Variants in RFX1 observed in about 807,000 individuals in gnomAD.
RFX1 encodes the protein regulatory factor X1.
RFX1 carries 42 observed loss-of-function variants against 119.6 expected under a neutral mutation model. The observed-to-expected ratio is 0.35, with a 90% CI of 0.27 to 0.45. RFX1 has a LOEUF of 0.45. Among genes scored for constraint, RFX1 ranks in the 20% least tolerant of loss-of-function variants. The probability of loss-of-function intolerance (pLI) is 1.00; values close to 1 mark genes in which losing one functional copy is unlikely to be tolerated. For synonymous variants in RFX1, 628 were observed against 618.5 expected, an observed-to-expected ratio of 1.02 and a Z score of -0.23; for missense variants, 1,118 against 1,368.1, an observed-to-expected ratio of 0.82 and a Z score of 2.88.
At position 13,968,640 on chromosome 19, in the gene RFX1, C is replaced by A. The variant is rs146416788; in HGVS notation, c.1657G>T (p.Val553Leu). Residue 553 changes from valine (V) to leucine (L), a missense_variant, in exon 12 of 21, where the codon GTG becomes TTG. Coordinates refer to ENST00000254325, the MANE Select transcript of RFX1 (RefSeq NM_002918.5). The surrounding 1 kb of genome is among the most constrained non-coding windows in gnomAD (Gnocchi z 5.5). The stretch of plus-strand genomic sequence containing the variant: ...GTGCTCGGCTGCTGCCCCACCGCCA[C>A]GCCGTTGGTCATGCCTTCCATCTTC... ...IQKMEGMTNG[V>L]AVGQQPSTGL... is the part of the protein sequence containing the mutation. The A allele has an allele frequency of 6.2e-7, 1 of 1,613,352 alleles. No individual in the cohort carries two copies. The highest frequency in any genetic ancestry group is 1.7e-5 in the Admixed American group (1 of 60,026).
At chr19:13,987,803 G>A (rs1407996242) in intron 2 of RFX1, among the ~76,000 whole-genome samples, 3 of 152,170 alleles carry the variant, frequency 2.0e-5, no homozygotes, top group African/African-American at 7.2e-5. Context: ...TGTGAAAGGC[G>A]ACTAAGCTAC....
At chr19:13,993,302 AAAAT>A (rs1974866141) in intron 2 of RFX1, among the ~76,000 whole-genome samples, 1 of 152,122 alleles carries the variant, frequency 6.6e-6, no homozygotes, top group African/African-American at 2.4e-5. Flanking sequence ...CTCAAAAAAT[AAAAT>A]AAAACCAAAA....
At chr19:13,972,125 CAGCACT>C (rs1371312203) in intron 9 of RFX1, among the ~76,000 whole-genome samples, 1 of 141,776 alleles carries the variant, frequency 7.1e-6, no homozygotes, top group Non-Finnish European at 1.5e-5. Flanking sequence ...GCTATGATTA[CAGCACT>C]GTGCTTCAGC....
At chr19:13,987,961 C>T (rs932261269) in intron 2 of RFX1, among the ~76,000 whole-genome samples, 4 of 152,004 alleles carry the variant, frequency 2.6e-5, no homozygotes, top group African/African-American at 9.7e-5. Flanking sequence ...ACTTAGAGTC[C>T]GGCCTAGCTC....
chr19:13,968,725 G>C lies in RFX1; in HGVS notation c.1617-45C>G. The C allele has an allele frequency of 1.2e-6, 2 of 1,609,470 alleles. No homozygotes were observed. The highest frequency in any genetic ancestry group is 1.7e-6 in the Non-Finnish European group (2 of 1,178,422). ...TGGGCCGGCTGCTGGGGGCCGGCCTGTGTGCCCTTCCCCGCCTGCCCTGCC... is the reference window on the plus strand; with the variant it reads ...TGGGCCGGCTGCTGGGGGCCGGCCTCTGTGCCCTTCCCCGCCTGCCCTGCC... On this transcript the variant is annotated intron_variant, in intron 11 of 20. Transcript: ENST00000254325. The surrounding 1 kb of genome is among the most constrained non-coding windows in gnomAD (Gnocchi z 5.5).
Position 13,980,563 on chromosome 19 carries a change from G to C in RFX1, c.738+10C>G. 2 of 1,538,404 alleles carry C rather than the reference G, an allele frequency of 1.3e-6. No individual in the cohort carries two copies. Among genetic ancestry groups the C allele is most frequent in the Non-Finnish European group, 1.8e-6 (2 of 1,140,332 alleles). On this transcript the variant is annotated intron_variant, in intron 6 of 20. Coordinates refer to ENST00000254325, the MANE Select transcript of RFX1 (RefSeq NM_002918.5). The surrounding 1 kb of genome is among the most constrained non-coding windows in gnomAD (Gnocchi z 5.1). ...CCTGGACCGAGCCACTGCCCGCCTT[G>C]GCCTGGCACCTCTTGGGTGACGGGG...
At chr19:13,964,771 A>G (rs60177795) in intron 16 of RFX1, among the ~76,000 whole-genome samples, 2,698 of 152,242 alleles carry the variant, frequency 0.018, 79 homozygotes, top group African/African-American at 0.056. Flanking sequence ...ATGAGCCACT[A>G]CGCCCGGCCT....
chr19:13,983,614 A>G lies in RFX1; in HGVS notation c.320-19T>C. ...GCACCTTCTGTGGGGAGGGGCCACC[A>G]GGTCAGTTCTTCCTGCTTTCCCTGC... is the stretch of plus-strand genomic sequence containing the variant. On this transcript the variant is annotated intron_variant, in intron 2 of 20. Transcript: ENST00000254325. 2 of 1,568,664 alleles carry G rather than the reference A, an allele frequency of 1.3e-6. No individual in the cohort carries two copies. Among genetic ancestry groups the G allele is most frequent in the Non-Finnish European group, 1.7e-6 (2 of 1,156,574 alleles).
intron 8 of RFX1, among the ~76,000 whole-genome samples, chr19:13,975,919 C>T (rs1018631731): frequency 1.3e-5 from 2 of 152,168 alleles, no homozygotes; most frequent in African/African-American, 2.4e-5. Flanking sequence ...AACAACTTCT[C>T]GTAGCAGAAA....
intron 1 of RFX1, among the ~76,000 whole-genome samples, chr19:13,999,461 G>C (rs1211874411): frequency 6.6e-6 from 1 of 152,188 alleles, no homozygotes; most frequent in Non-Finnish European, 1.5e-5. Flanking sequence ...ATGTGAAAGT[G>C]GCCATGCACA....
intron 2 of RFX1, among the ~76,000 whole-genome samples, chr19:13,987,128 G>A (rs1048151843): frequency 1.3e-5 from 2 of 152,222 alleles, no homozygotes; most frequent in African/African-American, 2.4e-5. Flanking sequence ...AGAAGGGCCG[G>A]ACTCGGCCCC....
Position 13,966,286 on chromosome 19 carries a change from T to G in RFX1, c.1961+135A>C, listed in dbSNP as rs1044123914. The G allele has an allele frequency of 6.5e-6, 4 of 613,628 alleles. No individual in the cohort carries two copies. Among genetic ancestry groups the G allele is most frequent in the Non-Finnish European group, 1.2e-5 (4 of 344,920 alleles). The allele number at this position is 613,628 out of a possible 1,614,324, so 38.0% of individuals were successfully genotyped here. On this transcript the variant is annotated intron_variant, in intron 14 of 20. Transcript: ENST00000254325. This position sits in a 1 kb window ranked among gnomAD's most constrained non-coding sequence, Gnocchi z 6.3. ...TTGAGTGTCGGGTGGCTATACACAC[T>G]CCACACAGCCAAGGATATGTGTACC...
intron 1 of RFX1, among the ~76,000 whole-genome samples, chr19:14,005,871 C>T (rs1402655852): frequency 6.6e-6 from 1 of 151,886 alleles, no homozygotes; most frequent in Non-Finnish European, 1.5e-5. Flanking sequence ...CCGACCTCCA[C>T]TCGCCGCGGG....
intron 1 of RFX1, among the ~76,000 whole-genome samples, chr19:13,994,893 C>CATACATACATAT (rs58399098): frequency 1.7e-5 from 1 of 59,310 alleles, no homozygotes; most frequent in African/African-American, 5.7e-5. Flanking sequence ...AATATACATA[C>CATACATACATAT]ATATATATAT....
chr19:13,989,515 G>A (rs967407672), intron 2 of RFX1, among the ~76,000 whole-genome samples: 14 of 151,778 alleles, frequency 9.2e-5, no homozygotes, highest in South Asian at 2.1e-4. Context: ...GGATTACGGC[G>A]CCCACCACCA....
At chr19:13,981,421 C>T (rs1332686132) in intron 5 of RFX1, among the ~76,000 whole-genome samples, 1 of 152,194 alleles carries the variant, frequency 6.6e-6, no homozygotes, top group Non-Finnish European at 1.5e-5. Context: ...CATGGTGAAA[C>T]CCCATCTCTA....
chr19:13,970,805 G>T (rs1022755843), intron 9 of RFX1, among the ~76,000 whole-genome samples: 4 of 149,782 alleles, frequency 2.7e-5, no homozygotes, highest in African/African-American at 4.9e-5. Flanking sequence ...TCAATATTGT[G>T]AAACCCCGTC....
At chr19:13,994,638 C>T (rs933593653) in intron 1 of RFX1, among the ~76,000 whole-genome samples, 5 of 151,154 alleles carry the variant, frequency 3.3e-5, no homozygotes, top group Admixed American at 1.3e-4. Context: ...TCACTTGAAC[C>T]TGGGAGGCGG....
At position 13,980,560 on chromosome 19, in the gene RFX1, CT is replaced by C; in HGVS notation, c.738+12del. ...ACCCCTGGACCGAGCCACTGCCCGC[CT>C]TGGCCTGGCACCTCTTGGGTGACGG... On this transcript the variant is annotated intron_variant, in intron 6 of 20. Coordinates refer to ENST00000254325, the MANE Select transcript of RFX1 (RefSeq NM_002918.5). This position sits in a 1 kb window ranked among gnomAD's most constrained non-coding sequence, Gnocchi z 5.1. The C allele has an allele frequency of 6.5e-7, 1 of 1,537,442 alleles. No homozygotes were observed. Among genetic ancestry groups the C allele is most frequent in the Non-Finnish European group, 8.8e-7 (1 of 1,140,488 alleles).
Sources: gnomAD v4.1 joint callset for allele counts (sites outside exome capture counted in the v4.1 genomes callset) on GRCh38, gnomAD v4.1.1 for gene constraint, Gnocchi (gnomAD v3.1) non-coding constraint, MANE v1.5 for transcripts, NCBI Gene and HGNC (gene_info 2026-07-23, HGNC 2026-07-21) for gene names.